Variants in TSEN2 observed in about 807,000 individuals in gnomAD.
TSEN2 encodes the protein tRNA-splicing endonuclease subunit Sen2.
TSEN2 carries 54 observed loss-of-function variants against 59.2 expected under a neutral mutation model. That is an observed-to-expected ratio of 0.91 (90% CI 0.73 to 1.14). The LOEUF (loss-of-function observed/expected upper bound fraction) is 1.14. Among genes scored for constraint, TSEN2 ranks in the 50% most tolerant of loss-of-function variants. The pLI is 0.00. For missense variants in TSEN2, 636 were observed against 576.2 expected, an observed-to-expected ratio of 1.10 and a Z score of -1.06; for synonymous variants, 195 against 198.2, an observed-to-expected ratio of 0.98 and a Z score of 0.14.
intron 1 of TSEN2, 39 bp downstream of exon 1, chr3:12,484,919 C>T (rs2052439924): frequency 6.6e-6 from 1 of 152,228 alleles, no homozygotes; most frequent in Non-Finnish European, 1.5e-5. Flanking sequence ...GCCCCTAACG[C>T]TGTTGGGGTG....
intron 8 of TSEN2, among the ~76,000 whole-genome samples, chr3:12,523,523 A>ATTTTTTTTTTTTTT (rs1386382924): frequency 2.0e-5 from 1 of 51,056 alleles, no homozygotes; most frequent in Non-Finnish European, 4.3e-5. Context: ...TTCCTCTTTG[A>ATTTTTTTTTTTTTT]TTCTTTTTTT....
rs1344687271 is a variant in TSEN2 at position 12,518,914 on chromosome 3, T to A, written c.961-145T>A. 3.7e-6 allele frequency: 3 copies of A among 804,524 alleles called. No homozygotes were observed. In the South Asian group the frequency reaches 5.0e-5, roughly 13 times the overall value. The allele number at this position is 804,524 out of a possible 1,614,324, so 49.8% of individuals were successfully genotyped here. ...ACAGAGCGAGACTCTGTCTCAAAAA[T>A]AAAATAAATAAATTGCTCTGCTGGG... On this transcript the variant is annotated intron_variant, in intron 7 of 11. Coordinates refer to ENST00000284995, the MANE Select transcript of TSEN2 (RefSeq NM_025265.4).
intron 1 of TSEN2, among the ~76,000 whole-genome samples, chr3:12,488,086 T>C (rs1313941529): frequency 6.6e-6 from 1 of 152,176 alleles, no homozygotes; most frequent in Non-Finnish European, 1.5e-5. Context: ...CCTTGAGAAG[T>C]TGGATACTGA....
rs927383080 is a variant in TSEN2 at position 12,530,806 on chromosome 3, A to G, written c.1249-764A>G. The G allele has an allele frequency of 3.1e-6, 3 of 968,684 alleles. No homozygotes were observed. The African/African-American group carries it at 5.3e-5, about 17-fold the overall frequency. 60.0% of individuals were successfully genotyped at this position (968,684 alleles called of 1,614,324 possible). A position where few individuals can be genotyped will look rare whatever the true frequency, so the allele number is the denominator to read the frequency against. ...TTGTTGATATGTTCTTGGAAACTGC[A>G]ACTTTAATGTCGTATAACAAAACCG... On this transcript the variant is annotated intron_variant, in intron 10 of 11. Transcript: ENST00000284995.
intron 11 of TSEN2, among the ~76,000 whole-genome samples, chr3:12,532,195 A>AC (rs1468438897): frequency 6.6e-6 from 1 of 151,282 alleles, no homozygotes; most frequent in Non-Finnish European, 1.5e-5. Flanking sequence ...TTTTCACACC[A>AC]CCCTGCCCCT....
rs761818188 is a variant in TSEN2, at chr3:12,532,749, CCAA to C, written c.*33_*35del. On this transcript the variant is annotated 3_prime_UTR_variant, in exon 12 of 12. Transcript: ENST00000284995. ...ATTCAACCTCAAATTTCTAATTTCA[CCAA>C]CAACTATTTATTGAGGGCTAGGTAA... is the stretch of plus-strand genomic sequence containing the variant. 6.8e-5 allele frequency: 110 copies of C among 1,611,066 alleles called. No individual in the cohort carries two copies. Among genetic ancestry groups the C allele is most frequent in the Admixed American group, 2.2e-4 (13 of 60,000 alleles).
intron 11 of TSEN2, 66 bp downstream of exon 11, chr3:12,531,725 T>C: frequency 2.7e-6 from 3 of 1,111,102 alleles, no homozygotes; most frequent in African/African-American, 1.5e-5. Flanking sequence ...ATCTGGAACA[T>C]GTGGTCCCAA....
At chr3:12,516,318 C>T (rs1172192358) in intron 6 of TSEN2, among the ~76,000 whole-genome samples, 4 of 152,008 alleles carry the variant, frequency 2.6e-5, no homozygotes, top group East Asian at 1.9e-4. Flanking sequence ...CCCAGCTACT[C>T]GGGAGGCTGA....
intron 6 of TSEN2, among the ~76,000 whole-genome samples, chr3:12,516,403 C>T (rs950887932): frequency 6.0e-5 from 9 of 151,168 alleles, no homozygotes; most frequent in African/African-American, 1.2e-4. Context: ...CCAGCCTGGA[C>T]GACAGAGTGA....
chr3:12,519,701 G>A (rs1401777800), intron 8 of TSEN2, among the ~76,000 whole-genome samples: 4 of 152,116 alleles, frequency 2.6e-5, no homozygotes, highest in South Asian at 4.2e-4. Context: ...AGCCGAGATC[G>A]CGCCATTGCA....
intron 7 of TSEN2, among the ~76,000 whole-genome samples, chr3:12,516,917 A>C (rs769328635): frequency 5.3e-5 from 8 of 152,236 alleles, no homozygotes; most frequent in Non-Finnish European, 1.0e-4. Context: ...GATAATGATT[A>C]GGAAATCTGT....
In TSEN2 at chr3:12,525,136, A is replaced by G. The variant is rs150940152; in HGVS notation, c.1100-3752A>G. Among the ~76,000 whole-genome samples the G allele has an allele frequency of 5.3e-5, 8 of 152,188 alleles. No homozygotes were observed. The East Asian group carries it at 1.5e-3, about 29-fold the overall frequency. ...TCTTTTAGGATGTTCCCCATTCTCC[A>G]TATGTCTGATTGTTCCTGATGATCA... On this transcript the variant is annotated intron_variant, in intron 8 of 11. Transcript: ENST00000284995.
chr3:12,496,671 A>C (rs1575262800), intron 4 of TSEN2, 117 bp downstream of exon 4: 5 of 1,000,362 alleles, frequency 5.0e-6, no homozygotes, highest in Non-Finnish European at 7.8e-6. Context: ...TGTTTTTGGT[A>C]GTAGATGTAT....
chr3:12,497,381 C>T (rs938181514), intron 4 of TSEN2, among the ~76,000 whole-genome samples: 1 of 152,246 alleles, frequency 6.6e-6, no homozygotes, highest in African/African-American at 2.4e-5. Flanking sequence ...CGTGCAAAAT[C>T]TGGCAGCTCC....
Position 12,484,503 on chromosome 3 carries a change from G to C in TSEN2, c.-395G>C, listed in dbSNP as rs577952599. The C allele has an allele frequency of 1.3e-5, 2 of 152,054 alleles. No individual in the cohort carries two copies. Among genetic ancestry groups the C allele is most frequent in the Admixed American group, 6.5e-5 (1 of 15,282 alleles). The allele number at this position is 152,054 out of a possible 1,614,324, so 9.4% of individuals were successfully genotyped here. A position where few individuals can be genotyped will look rare whatever the true frequency, so the allele number is the denominator to read the frequency against. ...GCGTTGCCGGGGTAACGGCGAGCGC[G>C]TGGGGCCAAGAAAGGTAAGGGCCCT... is the stretch of plus-strand genomic sequence containing the variant. On this transcript the variant is annotated 5_prime_UTR_variant, in exon 1 of 12. Coordinates refer to ENST00000284995, the MANE Select transcript of TSEN2 (RefSeq NM_025265.4).
intron 8 of TSEN2, among the ~76,000 whole-genome samples, chr3:12,523,684 C>T (rs1404437590): frequency 1.3e-5 from 2 of 151,670 alleles, no homozygotes; most frequent in African/African-American, 2.4e-5. Flanking sequence ...GGATTACAGG[C>T]GCACACCACC....
intron 4 of TSEN2, among the ~76,000 whole-genome samples, chr3:12,500,448 C>G (rs2054182705): frequency 6.6e-6 from 1 of 152,152 alleles, no homozygotes; most frequent in Admixed American, 6.6e-5. Flanking sequence ...ACAGAAGGCA[C>G]AGAGGTAGAA....
chr3:12,500,034 G>A (rs1428721736), intron 4 of TSEN2, among the ~76,000 whole-genome samples: 7 of 152,206 alleles, frequency 4.6e-5, no homozygotes, highest in African/African-American at 1.7e-4. Context: ...GCCTTGGCGT[G>A]TTCTGATGGG....
At chr3:12,498,526 A>G (rs1264849120) in intron 4 of TSEN2, among the ~76,000 whole-genome samples, 7 of 152,108 alleles carry the variant, frequency 4.6e-5, no homozygotes, top group Admixed American at 4.6e-4. Flanking sequence ...ACTTTCATAG[A>G]CTTCATGAAT....
Sources: gnomAD v4.1 joint callset for allele counts (sites outside exome capture counted in the v4.1 genomes callset) on GRCh38, gnomAD v4.1.1 for gene constraint, MANE v1.5 for transcripts, NCBI Gene and HGNC (gene_info 2026-07-23, HGNC 2026-07-21) for gene names.